Variants in TMEM108 observed in about 807,000 individuals in gnomAD.
TMEM108 encodes cancer/testis antigen 124.
A neutral mutation model predicts 35.1 loss-of-function variants in TMEM108; 12 were observed. The ratio of observed to expected loss-of-function variants is 0.34; its 90% CI spans 0.22 to 0.55. The LOEUF is 0.55. Among genes scored for constraint, TMEM108 ranks in the 20% least tolerant of loss-of-function variants. TMEM108 has a pLI of 0.89. For synonymous variants in TMEM108, 287 were observed against 308.6 expected, an observed-to-expected ratio of 0.93 and a Z score of 0.73; for missense variants, 680 against 753.3, an observed-to-expected ratio of 0.90 and a Z score of 1.14.
intron 3 of TMEM108, chr3:133,248,405 C>T (rs1946417392): frequency 6.6e-6 from 1 of 152,158 alleles, no homozygotes; most frequent in Admixed American, 6.6e-5. Context: ...TTCCAGAATC[C>T]CAGAGCTTCG....
In TMEM108 at chr3:133,396,150, TAAA is replaced by T. The variant is rs5852749; in HGVS notation, c.*176_*178del. ...CAACATCTTTTTTACAAGTGTGGTT[TAAA>T]AAAAAAAAAAACTTTACAGAATGAT... On this transcript the variant is annotated 3_prime_UTR_variant, in exon 6 of 6. Coordinates refer to ENST00000321871, the MANE Select transcript of TMEM108 (RefSeq NM_023943.4). 103 of 217,678 alleles carry T rather than the reference TAAA, an allele frequency of 4.7e-4. No homozygotes were observed. The highest frequency in any genetic ancestry group is 6.4e-4 in the Non-Finnish European group (79 of 122,614). 13.5% of individuals were successfully genotyped at this position (217,678 alleles called of 1,614,324 possible).
intron 2 of TMEM108, among the ~76,000 whole-genome samples, chr3:133,060,534 A>G (rs1943523286): frequency 6.6e-6 from 1 of 151,952 alleles, no homozygotes; most frequent in Non-Finnish European, 1.5e-5. Context: ...CTGTTTGTAT[A>G]CCCCCCAAAT....
chr3:133,374,095 C>T (rs1576520226), intron 3 of TMEM108, among the ~76,000 whole-genome samples: 1 of 152,318 alleles, frequency 6.6e-6, no homozygotes, highest in East Asian at 1.9e-4. Context: ...CCAAGAGAAA[C>T]CTGTAAAAGC....
chr3:133,325,632 A>G (rs1468770227), intron 3 of TMEM108, among the ~76,000 whole-genome samples: 1 of 152,064 alleles, frequency 6.6e-6, no homozygotes, highest in Non-Finnish European at 1.5e-5. Context: ...TGAGACAGGA[A>G]GATCACTGGA....
intron 3 of TMEM108, among the ~76,000 whole-genome samples, chr3:133,358,009 G>A (rs1328256279): frequency 1.3e-5 from 2 of 152,084 alleles, no homozygotes. Context: ...TGTACCTGTT[G>A]CCCAGTTGTT....
chr3:133,385,900 A>G (rs770551711), intron 4 of TMEM108, among the ~76,000 whole-genome samples: 1 of 152,240 alleles, frequency 6.6e-6, no homozygotes, highest in Admixed American at 6.5e-5. Flanking sequence ...GATTAGGCAT[A>G]TAAGAGAATT....
intron 3 of TMEM108, among the ~76,000 whole-genome samples, chr3:133,344,912 G>C (rs2071771071): frequency 6.6e-6 from 1 of 151,732 alleles, no homozygotes; most frequent in African/African-American, 2.4e-5. Context: ...AGCATGGATG[G>C]TATTTTTAAG....
intron 2 of TMEM108, among the ~76,000 whole-genome samples, chr3:133,123,594 A>T (rs187634973): frequency 2.2e-4 from 34 of 152,354 alleles, no homozygotes; most frequent in Admixed American, 2.2e-3. Context: ...CATTTAAGCA[A>T]ATGCTTACTG....
intron 2 of TMEM108, among the ~76,000 whole-genome samples, chr3:133,157,157 T>C (rs1340391761): frequency 6.6e-6 from 1 of 152,208 alleles, no homozygotes. Context: ...GCATGTTAGA[T>C]TTGTTAATAT....
intron 2 of TMEM108, among the ~76,000 whole-genome samples, chr3:133,162,628 A>G (rs1944977242): frequency 6.6e-6 from 1 of 152,212 alleles, no homozygotes; most frequent in South Asian, 2.1e-4. Flanking sequence ...GATCTTTAAG[A>G]TTACAGGATG....
chr3:133,227,290 T>G (rs1251885110), intron 2 of TMEM108, among the ~76,000 whole-genome samples: 2 of 140,208 alleles, frequency 1.4e-5, no homozygotes, highest in African/African-American at 2.7e-5. Context: ...CCCCCTGGGG[T>G]TCACGCCATT....
chr3:133,061,187 A>G (rs572179614), intron 2 of TMEM108, among the ~76,000 whole-genome samples: 1 of 150,454 alleles, frequency 6.6e-6, no homozygotes, highest in African/African-American at 2.4e-5. Context: ...GTGTCATTTG[A>G]ATGTTTGTAC....
intron 2 of TMEM108, among the ~76,000 whole-genome samples, chr3:133,126,657 G>A (rs750260840): frequency 1.3e-5 from 2 of 152,048 alleles, no homozygotes; most frequent in Non-Finnish European, 2.9e-5. Context: ...TATATTTTAT[G>A]TTGCTTAATA....
rs541131711 is a variant in TMEM108, at chr3:133,246,014, T to C, written c.40+16663T>C. On this transcript the variant is annotated intron_variant, in intron 3 of 5. Transcript: ENST00000321871. Reference sequence around the variant, plus strand: ...CTATATAATGTGCATTTATAGCACATCTTCAATTTAGACACTGAATTTTTT... The same window carrying C: ...CTATATAATGTGCATTTATAGCACACCTTCAATTTAGACACTGAATTTTTT... 3.7e-4 allele frequency: 56 copies of C among 152,230 alleles called. 1 individual carries two copies. In the South Asian group the frequency reaches 9.7e-3, roughly 26 times the overall value. 9.4% of individuals were successfully genotyped at this position (152,230 alleles called of 1,614,324 possible). A position where few individuals can be genotyped will look rare whatever the true frequency, so the allele number is the denominator to read the frequency against.
intron 2 of TMEM108, among the ~76,000 whole-genome samples, chr3:133,182,841 T>C (rs1459059968): frequency 1.3e-5 from 2 of 152,210 alleles, no homozygotes; most frequent in East Asian, 1.9e-4. Flanking sequence ...GTTTTTCCTC[T>C]CTGGTGCCAG....
chr3:133,128,972 T>G (rs898207571), intron 2 of TMEM108, among the ~76,000 whole-genome samples: 1 of 152,148 alleles, frequency 6.6e-6, no homozygotes, highest in Non-Finnish European at 1.5e-5. Flanking sequence ...ACCTGTTAAT[T>G]TTTTGCCTCC....
chr3:133,082,155 C>T (rs1576308806), intron 2 of TMEM108, among the ~76,000 whole-genome samples: 1 of 152,206 alleles, frequency 6.6e-6, no homozygotes, highest in Non-Finnish European at 1.5e-5. Context: ...CTTCAACAGC[C>T]ATTCTACAGA....
intron 3 of TMEM108, among the ~76,000 whole-genome samples, chr3:133,268,493 G>A (rs1278776818): frequency 1.3e-5 from 2 of 152,180 alleles, no homozygotes; most frequent in Non-Finnish European, 2.9e-5. Context: ...ACACAGAGGA[G>A]AGGAGACCGA....
chr3:133,288,411 G>A (rs1947014601), intron 3 of TMEM108, among the ~76,000 whole-genome samples: 1 of 152,172 alleles, frequency 6.6e-6, no homozygotes, highest in Non-Finnish European at 1.5e-5. Flanking sequence ...GATGTGACTT[G>A]GTTGTTTATA....
Sources: allele counts gnomAD v4.1 joint callset (sites outside exome capture counted in the v4.1 genomes callset), GRCh38; gene constraint gnomAD v4.1.1; transcripts MANE v1.5; gene names NCBI Gene and HGNC (gene_info 2026-07-23, HGNC 2026-07-21).